ADGRB3: variants seen among roughly 807,000 people sequenced by gnomAD.
ADGRB3 encodes adhesion G protein-coupled receptor B3, also known as brain-specific angiogenesis inhibitor 3.
Under a neutral mutation model 193.4 loss-of-function variants are expected in ADGRB3, and 37 were observed. The observed-to-expected ratio is 0.19, with a 90% CI of 0.15 to 0.25. ADGRB3 has a LOEUF of 0.25. Ranked by LOEUF, ADGRB3 falls within the 10% of genes least tolerant of loss-of-function variation. The probability of loss-of-function intolerance (pLI) is 1.00; values close to 1 mark genes in which losing one functional copy is unlikely to be tolerated. For missense variants in ADGRB3, 1,637 were observed against 1,852.9 expected (o/e 0.88, Z 2.14); for synonymous variants, 690 against 644.2 (o/e 1.07, Z -1.08).
intron 26 of ADGRB3, among the ~76,000 whole-genome samples, chr6:69,351,702 T>C (rs1398266804): frequency 6.6e-6 from 1 of 152,232 alleles, no homozygotes; most frequent in Non-Finnish European, 1.5e-5. Context: ...GTATTGATTT[T>C]ATATGTGTGT....
chr6:68,834,970 TA>T (rs900304519), intron 3 of ADGRB3, among the ~76,000 whole-genome samples: 14 of 151,892 alleles, frequency 9.2e-5, no homozygotes, highest in Non-Finnish European at 1.3e-4. Flanking sequence ...ATATGTGAGT[TA>T]AAAAAAATCC....
intron 20 of ADGRB3, among the ~76,000 whole-genome samples, chr6:69,305,298 T>G (rs550926002): frequency 5.3e-5 from 8 of 151,732 alleles, no homozygotes; most frequent in African/African-American, 9.7e-5. Context: ...AATCATATGG[T>G]GTTCAAATTG....
At chr6:68,734,475 TA>T (rs1297956503) in intron 3 of ADGRB3, among the ~76,000 whole-genome samples, 1 of 152,028 alleles carries the variant, frequency 6.6e-6, no homozygotes, top group Non-Finnish European at 1.5e-5. Flanking sequence ...TGGGCATGCA[TA>T]TAATGGGAAA....
chr6:68,906,715 G>T (rs538202139), intron 3 of ADGRB3, among the ~76,000 whole-genome samples: 1 of 152,032 alleles, frequency 6.6e-6, no homozygotes, highest in African/African-American at 2.4e-5. Context: ...TTATTTGAAT[G>T]GTTAATGGAA....
chr6:69,191,055 G>T (rs1765176481), intron 17 of ADGRB3, among the ~76,000 whole-genome samples: 2 of 152,134 alleles, frequency 1.3e-5, no homozygotes, highest in Non-Finnish European at 2.9e-5. Flanking sequence ...GACTGTATTT[G>T]TATGGTGTTG....
chr6:68,986,382 G>A lies in ADGRB3; in HGVS notation c.1735-7386G>A, dbSNP rs995180242. On this transcript the variant is annotated intron_variant, in intron 10 of 31. Transcript: ENST00000370598. Reference sequence around the variant, plus strand: ...ACATGATTCATGCAGTGAAATTCTGGACCAAATCTGCCCTATCATATCGTC... The same window carrying A: ...ACATGATTCATGCAGTGAAATTCTGAACCAAATCTGCCCTATCATATCGTC... Among the ~76,000 whole-genome samples the A allele has an allele frequency of 2.0e-5, 3 of 152,066 alleles. No homozygotes were observed. In the East Asian group the frequency reaches 5.8e-4, roughly 29 times the overall value.
rs764693292 is a variant in ADGRB3, at chr6:68,956,166, G to C, written c.1338G>C (p.Glu446Asp). ...ECRGPWAESRECYNPECTANG... is the reference protein window; with the variant it reads ...ECRGPWAESRDCYNPECTANG... Reference sequence around the variant, plus strand: ...GAGGGCCATGGGCAGAAAGCAGAGAGTGCTATAACCCTGAATGTACAGGTA... The same window carrying C: ...GAGGGCCATGGGCAGAAAGCAGAGACTGCTATAACCCTGAATGTACAGGTA... The change falls in exon 7 of 32, where the codon GAG (glutamate) becomes GAC (aspartate). Residue 446 changes from glutamate (E) to aspartate (D), a missense_variant. Physicochemically the swap from Glu to Asp is conservative, Grantham distance 45. Transcript: ENST00000370598. 1.2e-6 allele frequency: 2 copies of C among 1,613,248 alleles called. No homozygotes were observed. The highest frequency in any genetic ancestry group is 1.7e-6 in the Non-Finnish European group (2 of 1,179,586).
intron 3 of ADGRB3, among the ~76,000 whole-genome samples, chr6:68,815,418 A>G (rs955444559): frequency 6.6e-6 from 1 of 152,198 alleles, no homozygotes; most frequent in Non-Finnish European, 1.5e-5. Context: ...TCTAACATTT[A>G]TGAAAGAAGT....
At chr6:68,711,697 C>T (rs1042492389) in intron 3 of ADGRB3, among the ~76,000 whole-genome samples, 1 of 152,076 alleles carries the variant, frequency 6.6e-6, no homozygotes, top group Non-Finnish European at 1.5e-5. Flanking sequence ...TAGCCCATCC[C>T]TTCAAAAGCA....
At chr6:68,778,519 A>C (rs1766793532) in intron 3 of ADGRB3, among the ~76,000 whole-genome samples, 1 of 152,088 alleles carries the variant, frequency 6.6e-6, no homozygotes, top group South Asian at 2.1e-4. Context: ...AACACACTGT[A>C]TGTTTTGTAG....
At chr6:69,099,956 A>T (rs1466039752) in intron 17 of ADGRB3, among the ~76,000 whole-genome samples, 2 of 152,218 alleles carry the variant, frequency 1.3e-5, no homozygotes, top group Non-Finnish European at 2.9e-5. Context: ...ATATTCCTAA[A>T]GAACAAGCTC....
At chr6:68,645,970 G>A (rs1768203499) in intron 3 of ADGRB3, among the ~76,000 whole-genome samples, 1 of 151,982 alleles carries the variant, frequency 6.6e-6, no homozygotes, top group South Asian at 2.1e-4. Context: ...ACCGTGGCCA[G>A]CCCAGTGCCC....
chr6:69,366,391 C>T (rs1472786266), intron 29 of ADGRB3, among the ~76,000 whole-genome samples: 1 of 152,020 alleles, frequency 6.6e-6, no homozygotes, highest in Non-Finnish European at 1.5e-5. Flanking sequence ...TGGCATATTG[C>T]CATTCATTAG....
chr6:69,379,078 G>A (rs1320190195), intron 30 of ADGRB3, among the ~76,000 whole-genome samples: 1 of 151,962 alleles, frequency 6.6e-6, no homozygotes, highest in African/African-American at 2.4e-5. Context: ...TTCAAGAAAT[G>A]TTGCGTGATA....
At chr6:69,102,197 ACT>A (rs1303996845) in intron 17 of ADGRB3, among the ~76,000 whole-genome samples, 50 of 144,358 alleles carry the variant, frequency 3.5e-4, no homozygotes, top group African/African-American at 1.2e-3. Context: ...AAAAAAAAAG[ACT>A]CTCCATCTTA....
chr6:68,816,779 C>G (rs1767638145), intron 3 of ADGRB3, among the ~76,000 whole-genome samples: 1 of 151,948 alleles, frequency 6.6e-6, no homozygotes, highest in South Asian at 2.1e-4. Context: ...AAATGAAAAC[C>G]TGGATCCAAT....
At chr6:68,831,706 G>A (rs1361347563) in intron 3 of ADGRB3, among the ~76,000 whole-genome samples, 1 of 151,892 alleles carries the variant, frequency 6.6e-6, no homozygotes, top group African/African-American at 2.4e-5. Context: ...CGTGGAAATA[G>A]TTTTAAGAAG....
At chr6:69,036,579 G>T (rs1326089833) in intron 13 of ADGRB3, among the ~76,000 whole-genome samples, 3 of 151,750 alleles carry the variant, frequency 2.0e-5, no homozygotes, top group Non-Finnish European at 4.4e-5. Flanking sequence ...GTAAGTCTAT[G>T]TAAAAAAAAA....
intron 29 of ADGRB3, among the ~76,000 whole-genome samples, chr6:69,371,943 A>G (rs935128143): frequency 2.6e-5 from 4 of 152,092 alleles, no homozygotes; most frequent in African/African-American, 4.8e-5. Flanking sequence ...GACTTAGAGG[A>G]CTGGTTAGAA....
Sources: allele counts gnomAD v4.1 joint callset (sites outside exome capture counted in the v4.1 genomes callset), GRCh38; gene constraint gnomAD v4.1.1; transcripts MANE v1.5; gene names NCBI Gene and HGNC (gene_info 2026-07-23, HGNC 2026-07-21).